IFT140: variants seen among roughly 807,000 people sequenced by gnomAD.
IFT140 encodes intraflagellar transport 140, also known as intraflagellar transport protein 140 homolog.
In IFT140, 133 loss-of-function variants were observed where a neutral mutation model predicts 164.6. The observed-to-expected ratio is 0.81, with a 90% confidence interval of 0.70 to 0.93. The LOEUF (loss-of-function observed/expected upper bound fraction) is 0.93, where lower values mean the gene tolerates loss of function less well. Among genes scored for constraint, IFT140 ranks in the 40% least tolerant of loss-of-function variants. IFT140 has a pLI of 0.00. For missense variants in IFT140, 2,045 were observed against 1,972.3 expected, an observed-to-expected ratio of 1.04 and a Z score of -0.70; for synonymous variants, 860 against 817.3, an observed-to-expected ratio of 1.05 and a Z score of -0.89.
At chr16:1,572,818 C>T (rs2034091920) in intron 13 of IFT140, among the ~76,000 whole-genome samples, 1 of 152,228 alleles carries the variant, frequency 6.6e-6, no homozygotes, top group Non-Finnish European at 1.5e-5. Flanking sequence ...CTACACCCTG[C>T]CCAGCAGTGG....
chr16:1,602,430 T>C lies in IFT140; in HGVS notation c.309A>G (p.Thr103=). 1 of 1,614,230 alleles carries C rather than the reference T, an allele frequency of 6.2e-7. No individual in the cohort carries two copies. Among genetic ancestry groups the C allele is most frequent in the Non-Finnish European group, 8.5e-7 (1 of 1,180,050 alleles). ...TCCAACGGAGCACGGTGATGTCGGC[T>C]GTGTGTGTCAGGGGCATCGTGTGCT... ...KEQHTMPLTH[T]ADITVLRWSP... is the part of the protein sequence containing the mutation. Residue 103 remains threonine (T), a synonymous_variant, in exon 4 of 31, where the codon ACA becomes ACG. Coordinates refer to ENST00000426508, the MANE Select transcript of IFT140 (RefSeq NM_014714.4).
chr16:1,527,216 C>G (rs2040732570), intron 19 of IFT140, among the ~76,000 whole-genome samples: 1 of 152,236 alleles, frequency 6.6e-6, no homozygotes, highest in South Asian at 2.1e-4. Flanking sequence ...CAGCCCTGCA[C>G]AGCAGGGACC....
chr16:1,510,844 T>A lies in IFT140; in HGVS notation c.*100A>T, dbSNP rs2040116503. 9.1e-7 allele frequency: 1 copy of A among 1,100,300 alleles called. No homozygotes were observed. Among genetic ancestry groups the A allele is most frequent in the African/African-American group, 1.6e-5 (1 of 64,474 alleles). The allele number at this position is 1,100,300 out of a possible 1,614,324, so 68.2% of individuals were successfully genotyped here. A position where few individuals can be genotyped will look rare whatever the true frequency, so the allele number is the denominator to read the frequency against. ...TCTGTCGCGTATTCCAACACAGACATGTTTTTTCCCAGCAAAAATGCTGGC... is the reference window on the plus strand; with the variant it reads ...TCTGTCGCGTATTCCAACACAGACAAGTTTTTTCCCAGCAAAAATGCTGGC... On this transcript the variant is annotated 3_prime_UTR_variant, in exon 31 of 31. Coordinates refer to ENST00000426508, the MANE Select transcript of IFT140 (RefSeq NM_014714.4).
In IFT140 at chr16:1,513,544, C is replaced by T. The variant is rs993076999; in HGVS notation, c.4183-2394G>A. ...AGAGAGGCTTCTGACAACAGCAGCA[C>T]GACTCCTGTGAGAGCAGCCCTCCCC... On this transcript the variant is annotated intron_variant, in intron 30 of 30. Transcript: ENST00000426508. Among the ~76,000 whole-genome samples the T allele has an allele frequency of 3.9e-5, 6 of 152,138 alleles. No homozygotes were observed. The East Asian group carries it at 9.7e-4, about 25-fold the overall frequency.
intron 24 of IFT140, 62 bp from the exon 25 acceptor site, chr16:1,524,018 T>C: frequency 6.3e-7 from 1 of 1,578,296 alleles, no homozygotes; most frequent in Non-Finnish European, 8.6e-7. Context: ...TCCGCTGAGA[T>C]TCTGGAATGT....
At chr16:1,568,136 G>A (rs2033820929) in intron 15 of IFT140, 81 bp downstream of exon 15, 2 of 946,890 alleles carry the variant, frequency 2.1e-6, no homozygotes, top group Non-Finnish European at 3.3e-6. Flanking sequence ...GGAGGAGAGA[G>A]GCACGAGCAG....
chr16:1,588,034 GA>G lies in IFT140; in HGVS notation c.811-11del, dbSNP rs2034984327. The stretch of plus-strand genomic sequence containing the variant: ...TCCCGCTCAGCTTGACCTGTGTGAG[GA>G]AACAACCGAGCAGAGGCACCGTGCT... On this transcript the variant is annotated splice_polypyrimidine_tract_variant and intron_variant, in intron 7 of 30. Transcript: ENST00000426508. 2 of 1,612,548 alleles carry G rather than the reference GA, an allele frequency of 1.2e-6. No individual in the cohort carries two copies. Among genetic ancestry groups the G allele is most frequent in the African/African-American group, 2.7e-5 (2 of 74,878 alleles).
intron 10 of IFT140, among the ~76,000 whole-genome samples, chr16:1,585,688 T>A (rs900626292): frequency 6.6e-6 from 1 of 152,100 alleles, no homozygotes; most frequent in Non-Finnish European, 1.5e-5. Context: ...TAAAATGTCT[T>A]ATTATTGTTA....
At chr16:1,543,228 C>G (rs2031820834) in intron 19 of IFT140, among the ~76,000 whole-genome samples, 1 of 152,262 alleles carries the variant, frequency 6.6e-6, no homozygotes, top group Admixed American at 6.5e-5. Context: ...CAGCGTTCTG[C>G]AGGTTGCCCT....
Position 1,553,762 on chromosome 16 carries a change from G to A in IFT140, c.2399+4173C>T. 8.5e-7 allele frequency: 1 copy of A among 1,172,988 alleles called. No homozygotes were observed. The highest frequency in any genetic ancestry group is 1.1e-6 in the Non-Finnish European group (1 of 933,330). The allele number at this position is 1,172,988 out of a possible 1,614,324, so 72.7% of individuals were successfully genotyped here. A position where few individuals can be genotyped will look rare whatever the true frequency, so the allele number is the denominator to read the frequency against. On this transcript the variant is annotated intron_variant, in intron 19 of 30. Transcript: ENST00000426508. This position sits in a 1 kb window ranked among gnomAD's most constrained non-coding sequence, Gnocchi z 4.4. ...GGCTGTAGGGGATGAGGAGGGGCAG[G>A]GCCATGTGGACAGCCTCTCCTCCAT...
At chr16:1,599,518 T>TG (rs1263274359) in intron 4 of IFT140, among the ~76,000 whole-genome samples, 1 of 8,460 alleles carries the variant, frequency 1.2e-4, no homozygotes, top group Admixed American at 1.4e-3. Flanking sequence ...GGGAGGGAGG[T>TG]GGGGGGGGGG....
intron 19 of IFT140, among the ~76,000 whole-genome samples, chr16:1,530,131 A>ATC (rs945496519): frequency 7.9e-6 from 1 of 126,540 alleles, no homozygotes; most frequent in African/African-American, 3.7e-5. Context: ...CACGACGGGA[A>ATC]TCTTTTTTTT....
At chr16:1,541,274 G>A in intron 19 of IFT140, 1 of 985,416 alleles carries the variant, frequency 1.0e-6, no homozygotes, top group Non-Finnish European at 1.2e-6. Flanking sequence ...CGGGGCCCCA[G>A]GAGGTGAGGG....
intron 4 of IFT140, among the ~76,000 whole-genome samples, chr16:1,594,311 C>T (rs2755183): frequency 7.9e-5 from 12 of 151,670 alleles, no homozygotes; most frequent in Admixed American, 2.6e-4. Flanking sequence ...GCCTCTGCTT[C>T]CAGGGCTCCT....
At chr16:1,548,703 C>G (rs2032379591) in intron 19 of IFT140, among the ~76,000 whole-genome samples, 1 of 152,184 alleles carries the variant, frequency 6.6e-6, no homozygotes, top group South Asian at 2.1e-4. Context: ...CTCCTTCCAC[C>G]CCTTCCCATC....
intron 19 of IFT140, among the ~76,000 whole-genome samples, chr16:1,527,592 G>A (rs2141190807): frequency 6.6e-6 from 1 of 152,316 alleles, no homozygotes; most frequent in East Asian, 1.9e-4. Context: ...TGTTGTGTAA[G>A]ACAGGGTCTC....
At chr16:1,611,581 G>A (rs1359636330) in intron 1 of IFT140, among the ~76,000 whole-genome samples, 1 of 151,992 alleles carries the variant, frequency 6.6e-6, no homozygotes. Flanking sequence ...TTGGGAGGCT[G>A]AGACGAGCGG....
At chr16:1,540,784 A>G (rs1041411722) in intron 19 of IFT140, 15 of 968,494 alleles carry the variant, frequency 1.5e-5, no homozygotes, top group African/African-American at 5.3e-5. Flanking sequence ...GCAACTGTTT[A>G]TAACGACTTA....
At chr16:1,513,969 G>A (rs183740944) in intron 30 of IFT140, among the ~76,000 whole-genome samples, 22 of 150,402 alleles carry the variant, frequency 1.5e-4, no homozygotes, top group Admixed American at 2.7e-4. Flanking sequence ...CACTGCACCC[G>A]GCTGCTTCTC....
Sources: gnomAD v4.1 joint callset for allele counts (sites outside exome capture counted in the v4.1 genomes callset) on GRCh38, gnomAD v4.1.1 for gene constraint, Gnocchi (gnomAD v3.1) non-coding constraint, MANE v1.5 for transcripts, NCBI Gene and HGNC (gene_info 2026-07-23, HGNC 2026-07-21) for gene names.